Variants in ROR1 observed in about 807,000 individuals in gnomAD.
ROR1 encodes inactive tyrosine-protein kinase transmembrane receptor ROR1.
In ROR1, 19 loss-of-function variants were observed where a neutral mutation model predicts 78.8. The ratio of observed to expected loss-of-function variants is 0.24; its 90% CI spans 0.17 to 0.35. ROR1 has a LOEUF of 0.35. Among genes scored for constraint, ROR1 ranks in the 10% least tolerant of loss-of-function variants. The pLI is 1.00. For missense variants in ROR1, 917 were observed against 1,177.8 expected (o/e 0.78, Z 3.24); for synonymous variants, 386 against 433.6 (o/e 0.89, Z 1.36).
chr1:64,017,466 G>A (rs570186651), intron 2 of ROR1, among the ~76,000 whole-genome samples: 19 of 152,212 alleles, frequency 1.2e-4, no homozygotes, highest in Admixed American at 5.9e-4. Flanking sequence ...AATTCTATCC[G>A]GAAATAGAGG....
intron 4 of ROR1, among the ~76,000 whole-genome samples, chr1:64,060,623 G>A (rs759462265): frequency 1.3e-5 from 2 of 152,132 alleles, no homozygotes; most frequent in African/African-American, 2.4e-5. Context: ...AGCAGTTCAG[G>A]GGGGAGGCAT....
intron 1 of ROR1, among the ~76,000 whole-genome samples, chr1:63,872,744 C>G (rs936200355): frequency 2.0e-5 from 3 of 152,172 alleles, no homozygotes; most frequent in Non-Finnish European, 2.9e-5. Flanking sequence ...ACTCATCTAT[C>G]TTACTGTAGG....
At chr1:64,131,735 C>T (rs1648919171) in intron 4 of ROR1, among the ~76,000 whole-genome samples, 1 of 152,072 alleles carries the variant, frequency 6.6e-6, no homozygotes, top group South Asian at 2.1e-4. Flanking sequence ...CTGCCTCAGC[C>T]CCCTGAATAG....
intron 1 of ROR1, among the ~76,000 whole-genome samples, chr1:63,921,834 C>T (rs935282991): frequency 6.6e-6 from 1 of 152,086 alleles, no homozygotes; most frequent in African/African-American, 2.4e-5. Context: ...CTCTGCCCAC[C>T]CAGGACTGCA....
chr1:64,063,256 C>T (rs960085183), intron 4 of ROR1, among the ~76,000 whole-genome samples: 2 of 152,166 alleles, frequency 1.3e-5, no homozygotes, highest in African/African-American at 2.4e-5. Context: ...TTCCTCTCAT[C>T]GTCAACTCAT....
intron 1 of ROR1, among the ~76,000 whole-genome samples, chr1:63,804,131 G>A (rs1203542839): frequency 1.3e-5 from 2 of 152,108 alleles, no homozygotes; most frequent in African/African-American, 4.8e-5. Flanking sequence ...GGAGGGGGGC[G>A]TCCTGGGAGG....
At chr1:64,088,645 G>A (rs1224295909) in intron 4 of ROR1, among the ~76,000 whole-genome samples, 1 of 152,022 alleles carries the variant, frequency 6.6e-6, no homozygotes, top group Admixed American at 6.6e-5. Flanking sequence ...GCTTAAACTA[G>A]CTCCAGTTCT....
chr1:64,068,724 T>G (rs932219627), intron 4 of ROR1, among the ~76,000 whole-genome samples: 4 of 152,184 alleles, frequency 2.6e-5, no homozygotes, highest in Non-Finnish European at 4.4e-5. Flanking sequence ...TAGAGTACCA[T>G]CCATTGTGAT....
intron 1 of ROR1, among the ~76,000 whole-genome samples, chr1:63,927,762 C>T (rs1447823015): frequency 2.0e-5 from 3 of 152,156 alleles, no homozygotes; most frequent in Admixed American, 6.5e-5. Flanking sequence ...GGTGTACCCA[C>T]TCCATTGCAA....
Position 63,991,564 on chromosome 1 carries a change from A to G in ROR1, c.92-17741A>G, listed in dbSNP as rs115054414. Among the ~76,000 whole-genome samples, 1,194 of 152,188 alleles carry G rather than the reference A, an allele frequency of 7.8e-3. 9 individuals are homozygous for G. Among genetic ancestry groups the G allele is most frequent in the African/African-American group, 0.025 (1,040 of 41,516 alleles). ...ACTTGGTGGCGTAGAAAAATAACCA[A>G]TTTCCAAGGAAAGACAGAAAGAGGC... On this transcript the variant is annotated intron_variant, in intron 1 of 8. Transcript: ENST00000371079.
chr1:64,024,532 A>G (rs1439881704), intron 2 of ROR1, among the ~76,000 whole-genome samples: 1 of 152,196 alleles, frequency 6.6e-6, no homozygotes, highest in Admixed American at 6.5e-5. Context: ...GTTCCATTGT[A>G]GAGGTATTCA....
Position 64,180,333 on chromosome 1 carries a change from G to A in ROR1, c.*1478G>A, listed in dbSNP as rs2100749298. 6.6e-6 allele frequency: 1 copy of A among 152,236 alleles called. No individual in the cohort carries two copies. Among genetic ancestry groups the A allele is most frequent in the East Asian group, 1.9e-4 (1 of 5,182 alleles). The allele number at this position is 152,236 out of a possible 1,614,324, so 9.4% of individuals were successfully genotyped here. A position where few individuals can be genotyped will look rare whatever the true frequency, so the allele number is the denominator to read the frequency against. On this transcript the variant is annotated 3_prime_UTR_variant, in exon 9 of 9. Transcript: ENST00000371079. The stretch of plus-strand genomic sequence containing the variant: ...TCATTTTTACTTTAAAGGTATAAGA[G>A]ACTTCTAAAGAGACTTACGGGATAT...
intron 2 of ROR1, among the ~76,000 whole-genome samples, chr1:64,023,401 C>A (rs981256332): frequency 6.6e-6 from 1 of 152,128 alleles, no homozygotes; most frequent in Admixed American, 6.6e-5. Flanking sequence ...TTCCCAGGGC[C>A]AGTTGAGGCA....
intron 1 of ROR1, among the ~76,000 whole-genome samples, chr1:63,825,770 C>T (rs1644949445): frequency 6.6e-6 from 1 of 152,082 alleles, no homozygotes; most frequent in African/African-American, 2.4e-5. Context: ...TCCTGGATGA[C>T]TTGGGAGAAA....
At chr1:63,934,764 C>T (rs902481245) in intron 1 of ROR1, among the ~76,000 whole-genome samples, 9 of 152,104 alleles carry the variant, frequency 5.9e-5, no homozygotes, top group Admixed American at 1.3e-4. Flanking sequence ...AGACAGCTTA[C>T]GTCTAATGTC....
intron 2 of ROR1, among the ~76,000 whole-genome samples, chr1:64,019,781 G>T (rs1400635308): frequency 6.6e-6 from 1 of 152,160 alleles, no homozygotes; most frequent in East Asian, 1.9e-4. Flanking sequence ...GTCGTATTTT[G>T]AATAGTGACA....
intron 1 of ROR1, among the ~76,000 whole-genome samples, chr1:63,836,399 C>T (rs915264776): frequency 1.6e-4 from 25 of 152,160 alleles, no homozygotes; most frequent in African/African-American, 6.0e-4. Flanking sequence ...ATGTGGAATG[C>T]CAAGTGAGTT....
In ROR1 at chr1:63,826,142, T is replaced by G. The variant is rs191270543; in HGVS notation, c.91+51634T>G. 4.4e-3 allele frequency among the ~76,000 whole-genome samples: 669 copies of G among 152,330 alleles called. 8 individuals are homozygous for G. Among genetic ancestry groups the G allele is most frequent in the Admixed American group, 1.3e-3 (20 of 15,298 alleles). ...GGGGTACATGCACAGGTTTGTTACC[T>G]AGGTAAACTTGTGTCATGGGGGTTT... On this transcript the variant is annotated intron_variant, in intron 1 of 8. Transcript: ENST00000371079.
chr1:63,876,646 G>A (rs558003777), intron 1 of ROR1, among the ~76,000 whole-genome samples: 3 of 69,790 alleles, frequency 4.3e-5, no homozygotes, highest in African/African-American at 1.8e-4. Context: ...CACGAAAGGG[G>A]TGTGTGTGTG....
Sources: allele counts gnomAD v4.1 joint callset (sites outside exome capture counted in the v4.1 genomes callset), GRCh38; gene constraint gnomAD v4.1.1; transcripts MANE v1.5; gene names NCBI Gene and HGNC (gene_info 2026-07-23, HGNC 2026-07-21).